The following AUTS2 variants were observed in gnomAD, a reference collection of about 807,000 sequenced individuals.
AUTS2 encodes the protein activator of transcription and developmental regulator AUTS2, also known as autism susceptibility gene 2 protein.
A neutral mutation model predicts 112.4 loss-of-function variants in AUTS2; 17 were observed. The observed-to-expected ratio is 0.15, with a 90% CI of 0.10 to 0.23. The LOEUF (loss-of-function observed/expected upper bound fraction) is 0.23. Ranked by LOEUF, AUTS2 falls within the 10% of genes least tolerant of loss-of-function variation. The probability of loss-of-function intolerance (pLI) is 1.00; values close to 1 mark genes in which losing one functional copy is unlikely to be tolerated. For missense variants in AUTS2, 1,510 were observed against 1,701.6 expected, an observed-to-expected ratio of 0.89 and a Z score of 1.98; for synonymous variants, 751 against 702.7, an observed-to-expected ratio of 1.07 and a Z score of -1.09.
intron 1 of AUTS2, among the ~76,000 whole-genome samples, chr7:69,806,227 T>TTTC (rs1562895709): frequency 7.1e-6 from 1 of 140,152 alleles, no homozygotes. Context: ...TTTTTTTTTT[T>TTTC]TAAACCAGCG....
chr7:70,469,106 C>G (rs555038833), intron 5 of AUTS2, among the ~76,000 whole-genome samples: 1 of 152,336 alleles, frequency 6.6e-6, no homozygotes, highest in African/African-American at 2.4e-5. Context: ...AAAAAGAAAA[C>G]TCATTCATAC....
At chr7:69,778,244 ATATTTTTT>A (rs1482074888) in intron 1 of AUTS2, among the ~76,000 whole-genome samples, 46 of 83,058 alleles carry the variant, frequency 5.5e-4, no homozygotes, top group Admixed American at 2.0e-3. Flanking sequence ...ATATATATAT[ATATTTTTT>A]TTTTTTTTTA....
At chr7:70,414,305 A>G (rs1794903245) in intron 4 of AUTS2, among the ~76,000 whole-genome samples, 1 of 152,216 alleles carries the variant, frequency 6.6e-6, no homozygotes, top group Non-Finnish European at 1.5e-5. Flanking sequence ...CCAAGGACTG[A>G]ATGAGGAGAG....
At chr7:69,670,555 C>CAAAAAAAAAAAAAAAAAAAAAAAAA (rs200373158) in intron 1 of AUTS2, among the ~76,000 whole-genome samples, 1 of 119,070 alleles carries the variant, frequency 8.4e-6, no homozygotes, top group African/African-American at 3.3e-5. Flanking sequence ...CTTGATCCCT[C>CAAAAAAAAAAAAAAAAAAAAAAAAA]AAAAAAAAAA....
intron 5 of AUTS2, among the ~76,000 whole-genome samples, chr7:70,681,520 TA>T (rs1808207519): frequency 7.4e-6 from 1 of 134,674 alleles, no homozygotes; most frequent in Non-Finnish European, 1.6e-5. Context: ...CATATATATA[TA>T]TATATTTTTT....
chr7:69,973,198 A>G lies in AUTS2; in HGVS notation c.522+73700A>G, dbSNP rs555762819. Among the ~76,000 whole-genome samples, 24 of 152,326 alleles carry G rather than the reference A, an allele frequency of 1.6e-4. No individual in the cohort carries two copies. The South Asian group carries it at 5.0e-3, about 32-fold the overall frequency. On this transcript the variant is annotated intron_variant, in intron 2 of 18. Transcript: ENST00000342771. ...CTATCACTTTTGGGGGGCACTTGAA[A>G]TGGTATTGTATTTCTAATTTAGATT...
intron 6 of AUTS2, among the ~76,000 whole-genome samples, chr7:70,731,024 T>C (rs562657590): frequency 7.9e-5 from 12 of 152,348 alleles, no homozygotes; most frequent in Non-Finnish European, 1.2e-4. Flanking sequence ...CATGTGCTTA[T>C]GGCCATTTGT....
chr7:70,212,973 G>A (rs546519300), intron 4 of AUTS2, among the ~76,000 whole-genome samples: 1 of 152,036 alleles, frequency 6.6e-6, no homozygotes, highest in East Asian at 1.9e-4. Context: ...TGGGGTGGGG[G>A]AACTATACTT....
intron 1 of AUTS2, among the ~76,000 whole-genome samples, chr7:69,841,484 A>G (rs985713512): frequency 2.0e-5 from 3 of 152,198 alleles, no homozygotes; most frequent in East Asian, 1.9e-4. Flanking sequence ...GGGGATTACA[A>G]TTCAACATCA....
At chr7:70,716,309 C>G (rs924020678) in intron 6 of AUTS2, among the ~76,000 whole-genome samples, 2 of 152,104 alleles carry the variant, frequency 1.3e-5, no homozygotes, top group Non-Finnish European at 2.9e-5. Flanking sequence ...TAAAGAGGAT[C>G]GGGGGCTTCA....
intron 4 of AUTS2, among the ~76,000 whole-genome samples, chr7:70,304,883 G>T (rs1789421678): frequency 2.0e-5 from 3 of 151,916 alleles, no homozygotes; most frequent in African/African-American, 7.3e-5. Context: ...GCTGATTATA[G>T]CAGTGACATA....
intron 1 of AUTS2, among the ~76,000 whole-genome samples, chr7:69,614,314 C>CTCTCTCTTTCTTTCTTTCTTTCTT (rs1554334304): frequency 1.2e-5 from 1 of 83,320 alleles, no homozygotes; most frequent in African/African-American, 4.7e-5. Flanking sequence ...CACTCTCCGT[C>CTCTCTCTTTCTTTCTTTCTTTCTT]TCTTTCTTTC....
chr7:70,284,222 TA>T (rs1204076593), intron 4 of AUTS2, among the ~76,000 whole-genome samples: 3 of 152,266 alleles, frequency 2.0e-5, no homozygotes, highest in African/African-American at 7.2e-5. Flanking sequence ...TCTTAATTTT[TA>T]GTGACTGCAT....
intron 4 of AUTS2, among the ~76,000 whole-genome samples, chr7:70,191,481 TTAA>T (rs1809889716): frequency 3.3e-5 from 5 of 152,168 alleles, no homozygotes. Flanking sequence ...CACTTATTTC[TTAA>T]TGATGGGAAA....
chr7:70,536,822 C>A (rs1386552114), intron 5 of AUTS2, among the ~76,000 whole-genome samples: 1 of 152,048 alleles, frequency 6.6e-6, no homozygotes, highest in Non-Finnish European at 1.5e-5. Context: ...ATCGCTTGAA[C>A]CCAGGAGGTG....
intron 5 of AUTS2, among the ~76,000 whole-genome samples, chr7:70,591,739 C>T (rs1167109029): frequency 6.6e-6 from 1 of 151,966 alleles, no homozygotes; most frequent in Non-Finnish European, 1.5e-5. Flanking sequence ...TGTTTATGCT[C>T]CCCCCACCTG....
At chr7:70,436,818 T>G (rs1396468356) in intron 5 of AUTS2, 2 of 152,250 alleles carry the variant, frequency 1.3e-5, no homozygotes, top group Non-Finnish European at 2.9e-5. Flanking sequence ...TGTTCTGTAC[T>G]GTCGTTAATT....
chr7:70,530,827 A>C (rs1246438645), intron 5 of AUTS2, among the ~76,000 whole-genome samples: 1 of 151,972 alleles, frequency 6.6e-6, no homozygotes, highest in African/African-American at 2.4e-5. Flanking sequence ...TTCCTTCATC[A>C]CCACCACCTC....
At chr7:69,928,973 C>T (rs1383049332) in intron 2 of AUTS2, among the ~76,000 whole-genome samples, 1 of 152,190 alleles carries the variant, frequency 6.6e-6, no homozygotes, top group Non-Finnish European at 1.5e-5. Context: ...TTATGCCCTT[C>T]ATTTCTCTGG....
Sources: allele counts gnomAD v4.1 joint callset (sites outside exome capture counted in the v4.1 genomes callset), GRCh38; gene constraint gnomAD v4.1.1; transcripts MANE v1.5; gene names NCBI Gene and HGNC (gene_info 2026-07-23, HGNC 2026-07-21).